Variants in TJP1 observed in about 807,000 individuals in gnomAD.
TJP1 encodes tight junction protein 1, also known as tight junction protein ZO-1.
TJP1 carries 43 observed loss-of-function variants against 194.2 expected under a neutral mutation model. The observed-to-expected ratio is 0.22, with a 90% confidence interval of 0.17 to 0.29. The LOEUF (loss-of-function observed/expected upper bound fraction) is 0.29, where lower values mean the gene tolerates loss of function less well. TJP1 is among the 10% of genes least tolerant of loss of function. The pLI, the probability that TJP1 is intolerant of heterozygous loss-of-function variation, is 1.00. For missense variants in TJP1, 1,971 were observed against 2,185.7 expected (o/e 0.90, Z 1.96); for synonymous variants, 801 against 779.0 (o/e 1.03, Z -0.47).
At chr15:29,949,695 C>CCACCTT (rs2055555177) in intron 2 of TJP1, among the ~76,000 whole-genome samples, 1 of 98,442 alleles carries the variant, frequency 1.0e-5, no homozygotes, top group Non-Finnish European at 2.3e-5. Context: ...ACCACCACCT[C>CCACCTT]CACCACCACC....
At chr15:29,817,729 C>A (rs1007550110) in intron 1 of TJP1, among the ~76,000 whole-genome samples, 2 of 152,086 alleles carry the variant, frequency 1.3e-5, no homozygotes, top group South Asian at 2.1e-4. Context: ...CAAACTAACA[C>A]CAGAACAGAA....
intron 2 of TJP1, among the ~76,000 whole-genome samples, chr15:29,877,322 T>C (rs2052738583): frequency 6.6e-6 from 1 of 152,190 alleles, no homozygotes; most frequent in African/African-American, 2.4e-5. Context: ...GCTTGAGAGA[T>C]CCTCCTGCTT....
intron 10 of TJP1, among the ~76,000 whole-genome samples, chr15:29,739,288 CT>C (rs1426993786): frequency 6.6e-6 from 1 of 152,186 alleles, no homozygotes; most frequent in Non-Finnish European, 1.5e-5. Context: ...ATATTAACTA[CT>C]TGCAGTAGCA....
At chr15:29,961,467 G>C (rs980703510) in intron 1 of TJP1, among the ~76,000 whole-genome samples, 11 of 149,392 alleles carry the variant, frequency 7.4e-5, no homozygotes, top group African/African-American at 2.7e-4. Context: ...TCCTGCCTCA[G>C]CCTCCCGAGT....
chr15:29,775,033 T>A (rs966505539), intron 2 of TJP1, among the ~76,000 whole-genome samples: 12 of 151,724 alleles, frequency 7.9e-5, no homozygotes, highest in African/African-American at 2.9e-4. Context: ...CACACCGTTA[T>A]GAGCAGTGTG....
At chr15:29,950,009 A>T (rs1332837339) in intron 2 of TJP1, among the ~76,000 whole-genome samples, 1 of 68,002 alleles carries the variant, frequency 1.5e-5, no homozygotes, top group Admixed American at 1.7e-4. Flanking sequence ...CACCTCCACA[A>T]CCACCACCTC....
intron 8 of TJP1, chr15:29,759,423 G>C (rs2045853769): frequency 6.6e-6 from 1 of 152,100 alleles, no homozygotes; most frequent in African/African-American, 2.4e-5. Context: ...TTCAAATGAT[G>C]ACCGAGACCA....
chr15:29,735,363 T>A (rs2043956294), intron 11 of TJP1, among the ~76,000 whole-genome samples: 1 of 151,904 alleles, frequency 6.6e-6, no homozygotes, highest in Non-Finnish European at 1.5e-5. Flanking sequence ...CCAAAGTAGG[T>A]GGACTGCTTG....
intron 2 of TJP1, among the ~76,000 whole-genome samples, chr15:29,888,160 T>C (rs1596189112): frequency 6.6e-6 from 1 of 152,086 alleles, no homozygotes; most frequent in South Asian, 2.1e-4. Flanking sequence ...AGATACTAAA[T>C]TGCATATTCA....
In TJP1 at chr15:29,761,714, T is replaced by A; in HGVS notation, c.749A>T (p.Glu250Val). 1 of 1,600,728 alleles carries A rather than the reference T, an allele frequency of 6.2e-7. No homozygotes were observed. The highest frequency in any genetic ancestry group is 8.6e-7 in the Non-Finnish European group (1 of 1,169,360). The change falls in exon 7 of 28, where the codon GAA (glutamate) becomes GTA (valine). Residue 250 changes from glutamate to valine, a missense_variant. By Grantham distance (121) the Glu-to-Val change is moderately radical. Coordinates refer to ENST00000614355, the MANE Select transcript of TJP1 (RefSeq NM_001330239.4). ...MSLTDAKTLIERSKGKLKMVV... is the reference protein window; with the variant it reads ...MSLTDAKTLIVRSKGKLKMVV... ...CATTTTTAATTTGCCTTTAGACCTTTCTATCAATGTCTTTGCATCTGTCAA... is the reference window on the plus strand; with the variant it reads ...CATTTTTAATTTGCCTTTAGACCTTACTATCAATGTCTTTGCATCTGTCAA...
At chr15:29,717,888 T>TAA in intron 22 of TJP1, 133 bp downstream of exon 22, 1 of 691,124 alleles carries the variant, frequency 1.4e-6, no homozygotes, top group Non-Finnish European at 2.4e-6. Flanking sequence ...GGAGAGCTGA[T>TAA]AGTTTTTATT....
intron 27 of TJP1, among the ~76,000 whole-genome samples, chr15:29,703,398 A>G (rs1324012410): frequency 6.6e-6 from 1 of 152,054 alleles, no homozygotes; most frequent in Non-Finnish European, 1.5e-5. Flanking sequence ...AGATCGTGCC[A>G]CCGCATTCCA....
intron 2 of TJP1, among the ~76,000 whole-genome samples, chr15:29,786,395 C>G (rs1329064856): frequency 6.6e-6 from 1 of 152,188 alleles, no homozygotes; most frequent in African/African-American, 2.4e-5. Context: ...CCTCTATTGC[C>G]AAATTACCTA....
chr15:29,788,990 A>C (rs1406775896), intron 2 of TJP1, among the ~76,000 whole-genome samples: 1 of 152,230 alleles, frequency 6.6e-6, no homozygotes, highest in African/African-American at 2.4e-5. Context: ...GTGTTACCTG[A>C]AAGGTGCTGA....
Position 29,953,140 on chromosome 15 carries a change from A to ATTTTTTTTTTTTTTTTTTT in TJP1, c.306+3073_306+3091dup, listed in dbSNP as rs71416442. Among the ~76,000 whole-genome samples, 21 of 110,994 alleles carry ATTTTTTTTTTTTTTTTTTT rather than the reference A, an allele frequency of 1.9e-4. 1 individual carries two copies. The highest frequency in any genetic ancestry group is 7.7e-4 in the East Asian group (2 of 2,614). The allele number at this position is 110,994 out of a possible 152,430, so 72.8% of individuals were successfully genotyped here. A position where few individuals can be genotyped will look rare whatever the true frequency, so the allele number is the denominator to read the frequency against. On this transcript the variant is annotated intron_variant, in intron 2 of 28. Coordinates refer to the TJP1 transcript ENST00000356107. ...TTCCTTCTTTCATAAAAGAAGACAG[A>ATTTTTTTTTTTTTTTTTTT]TTTTTTTTTTTTTTTTTTTGCAACG... is the stretch of plus-strand genomic sequence containing the variant.
chr15:29,819,680 T>C (rs1385283950), intron 1 of TJP1, among the ~76,000 whole-genome samples: 1 of 152,178 alleles, frequency 6.6e-6, no homozygotes, highest in Non-Finnish European at 1.5e-5. Context: ...AATACAACAC[T>C]AGAAGACACT....
At chr15:29,934,117 A>G (rs1370633643) in intron 2 of TJP1, among the ~76,000 whole-genome samples, 1 of 152,240 alleles carries the variant, frequency 6.6e-6, no homozygotes, top group Non-Finnish European at 1.5e-5. Context: ...AAAACAACTG[A>G]AACTATGGGG....
At chr15:29,809,691 A>G (rs1032477884) in intron 1 of TJP1, among the ~76,000 whole-genome samples, 3 of 152,036 alleles carry the variant, frequency 2.0e-5, no homozygotes, top group Non-Finnish European at 2.9e-5. Context: ...CTAAAAATAC[A>G]AAAAATTAGC....
intron 2 of TJP1, among the ~76,000 whole-genome samples, chr15:29,913,639 A>G (rs2054092755): frequency 6.6e-6 from 1 of 152,182 alleles, no homozygotes; most frequent in Non-Finnish European, 1.5e-5. Context: ...TGAAGATCGC[A>G]TTTCTGGACT....
Sources: gnomAD v4.1 joint callset for allele counts (sites outside exome capture counted in the v4.1 genomes callset) on GRCh38, gnomAD v4.1.1 for gene constraint, MANE v1.5 for transcripts, NCBI Gene and HGNC (gene_info 2026-07-23, HGNC 2026-07-21) for gene names.